IQSEC1: variants seen among roughly 807,000 people sequenced by gnomAD.
The protein encoded by IQSEC1 is IQ motif and SEC7 domain-containing protein 1.
IQSEC1 carries 31 observed loss-of-function variants against 91.0 expected under a neutral mutation model. That is an observed-to-expected ratio of 0.34 (90% CI 0.26 to 0.46). The LOEUF (loss-of-function observed/expected upper bound fraction) is 0.46, where lower values mean the gene tolerates loss of function less well. Among genes scored for constraint, IQSEC1 ranks in the 20% least tolerant of loss-of-function variants. The probability of loss-of-function intolerance (pLI) is 1.00; values close to 1 mark genes in which losing one functional copy is unlikely to be tolerated. For missense variants in IQSEC1, 1,388 were observed against 1,575.6 expected, an observed-to-expected ratio of 0.88 and a Z score of 2.02; for synonymous variants, 699 against 662.6, an observed-to-expected ratio of 1.05 and a Z score of -0.84.
chr3:13,070,311 T>C (rs969533732), intron 1 of IQSEC1, among the ~76,000 whole-genome samples: 4 of 152,200 alleles, frequency 2.6e-5, no homozygotes, highest in Non-Finnish European at 5.9e-5. Flanking sequence ...TAAAACGGGA[T>C]CGACAGTATC....
intron 3 of IQSEC1, among the ~76,000 whole-genome samples, chr3:12,934,755 A>G (rs1698012043): frequency 6.6e-6 from 1 of 151,946 alleles, no homozygotes; most frequent in South Asian, 2.1e-4. Context: ...TTAAATACCC[A>G]TCGCTCCTTG....
chr3:13,019,441 G>A (rs776110904), intron 1 of IQSEC1, among the ~76,000 whole-genome samples: 5 of 152,208 alleles, frequency 3.3e-5, no homozygotes, highest in African/African-American at 4.8e-5. Context: ...TGCGCTGTCC[G>A]ATCGCAACCC....
intron 1 of IQSEC1, among the ~76,000 whole-genome samples, chr3:13,061,390 TCTATCA>T (rs1313137253): frequency 1.1e-4 from 17 of 152,342 alleles, no homozygotes; most frequent in African/African-American, 3.8e-4. Flanking sequence ...TTAAAAAATA[TCTATCA>T]CTAGGAAAAG....
intron 1 of IQSEC1, among the ~76,000 whole-genome samples, chr3:13,280,137 G>GGGT (rs1695762173): frequency 6.6e-6 from 1 of 152,206 alleles, no homozygotes; most frequent in African/African-American, 2.4e-5. Flanking sequence ...AGGCTACGAG[G>GGGT]GGTAGTATGA....
intron 2 of IQSEC1, among the ~76,000 whole-genome samples, chr3:13,128,525 A>AT (rs1706555165): frequency 6.6e-6 from 1 of 152,140 alleles, no homozygotes; most frequent in African/African-American, 2.4e-5. Flanking sequence ...TTGCAGTGTA[A>AT]TTTTTTTATA....
chr3:13,087,674 G>A (rs557486715), intron 2 of IQSEC1, among the ~76,000 whole-genome samples: 3 of 152,290 alleles, frequency 2.0e-5, no homozygotes, highest in East Asian at 3.9e-4. Flanking sequence ...TGCTGTCTTC[G>A]TCTATTTTGT....
At chr3:12,920,639 G>T in intron 5 of IQSEC1, 43 bp from the exon 6 acceptor site, 2 of 1,598,750 alleles carry the variant, frequency 1.3e-6, no homozygotes, top group Non-Finnish European at 1.7e-6. Context: ...GGCGCAGCAA[G>T]TGACACGGCC....
chr3:13,019,450 C>T (rs1447222892), intron 1 of IQSEC1, among the ~76,000 whole-genome samples: 1 of 152,262 alleles, frequency 6.6e-6, no homozygotes, highest in Non-Finnish European at 1.5e-5. Flanking sequence ...CGATCGCAAC[C>T]CTCCAATCTG....
chr3:13,070,312 C>T (rs551310650), intron 1 of IQSEC1, among the ~76,000 whole-genome samples: 3 of 152,312 alleles, frequency 2.0e-5, no homozygotes, highest in East Asian at 1.9e-4. Context: ...AAAACGGGAT[C>T]GACAGTATCA....
At chr3:12,906,104 C>A (rs1694950291) in intron 12 of IQSEC1, among the ~76,000 whole-genome samples, 1 of 152,212 alleles carries the variant, frequency 6.6e-6, no homozygotes, top group Non-Finnish European at 1.5e-5. Flanking sequence ...ACGGCCACTT[C>A]ATCAGTCCCC....
At chr3:13,142,124 T>C (rs539758791) in intron 2 of IQSEC1, among the ~76,000 whole-genome samples, 17 of 152,298 alleles carry the variant, frequency 1.1e-4, no homozygotes, top group Admixed American at 8.5e-4. Flanking sequence ...CCTCCATGGG[T>C]GCCTTGTGGT....
chr3:13,057,072 A>G (rs1408984346), intron 1 of IQSEC1, among the ~76,000 whole-genome samples: 1 of 152,032 alleles, frequency 6.6e-6, no homozygotes, highest in Non-Finnish European at 1.5e-5. Context: ...GACGGGCGGT[A>G]TCTATGTGCC....
intron 1 of IQSEC1, among the ~76,000 whole-genome samples, chr3:12,971,496 T>TC: frequency 6.6e-6 from 1 of 152,246 alleles, no homozygotes; most frequent in African/African-American, 2.4e-5. Flanking sequence ...ATCAATGGAG[T>TC]CCCATGTTAA....
In IQSEC1 at chr3:13,223,121, G is replaced by A. The variant is rs553362607; in HGVS notation, c.273-58988C>T. 2.8e-3 allele frequency among the ~76,000 whole-genome samples: 419 copies of A among 152,282 alleles called. 3 individuals are homozygous for A. The highest frequency in any genetic ancestry group is 3.3e-3 in the Non-Finnish European group (225 of 68,012). On this transcript the variant is annotated intron_variant, in intron 1 of 15. Coordinates refer to the IQSEC1 transcript ENST00000648114. The stretch of plus-strand genomic sequence containing the variant: ...ACCCATCCAGACCCCCGGCTTGCCC[G>A]GCCAGTGGGCACATGGCAGCTGCTG...
At chr3:13,024,967 C>T (rs1431752357) in intron 1 of IQSEC1, among the ~76,000 whole-genome samples, 1 of 152,232 alleles carries the variant, frequency 6.6e-6, no homozygotes, top group African/African-American at 2.4e-5. Context: ...AGTGATACCA[C>T]AACTGTGTGA....
intron 1 of IQSEC1, among the ~76,000 whole-genome samples, chr3:12,965,146 C>G (rs1559680677): frequency 6.6e-6 from 1 of 152,136 alleles, no homozygotes; most frequent in Admixed American, 6.5e-5. Context: ...TGTGTGTACC[C>G]TTAAAAAAAC....
chr3:13,007,387 T>G (rs557699444), intron 1 of IQSEC1, among the ~76,000 whole-genome samples: 2 of 152,278 alleles, frequency 1.3e-5, no homozygotes, highest in African/African-American at 2.4e-5. Flanking sequence ...TGGGCCCAGC[T>G]GCCCCTGGGA....
At chr3:13,120,765 G>A (rs115040119) in intron 2 of IQSEC1, among the ~76,000 whole-genome samples, 1,598 of 152,276 alleles carry the variant, frequency 0.01, 27 homozygotes, top group African/African-American at 0.035. Context: ...TACCCTCAGA[G>A]GCACAGCCTA....
chr3:13,200,563 G>A (rs942729955), intron 1 of IQSEC1, among the ~76,000 whole-genome samples: 14 of 152,226 alleles, frequency 9.2e-5, no homozygotes, highest in African/African-American at 3.4e-4. Context: ...TGAACTGAGC[G>A]CCCCAGGTCA....
Sources: allele counts gnomAD v4.1 joint callset (sites outside exome capture counted in the v4.1 genomes callset), GRCh38; gene constraint gnomAD v4.1.1; transcripts MANE v1.5; gene names NCBI Gene and HGNC (gene_info 2026-07-23, HGNC 2026-07-21).